The following DAB1 variants were observed in gnomAD, a reference collection of about 807,000 sequenced individuals.
The protein encoded by DAB1 is DAB adaptor protein 1.
In DAB1, 15 loss-of-function variants were observed where a neutral mutation model predicts 64.6. The ratio of observed to expected loss-of-function variants is 0.23; its 90% CI spans 0.16 to 0.36. The LOEUF (loss-of-function observed/expected upper bound fraction) is 0.36. DAB1 is among the 10% of genes least tolerant of loss of function. The pLI is 1.00. For synonymous variants in DAB1, 235 were observed against 251.9 expected, an observed-to-expected ratio of 0.93 and a Z score of 0.64; for missense variants, 596 against 706.7, an observed-to-expected ratio of 0.84 and a Z score of 1.78.
At chr1:58,371,665 A>G (rs1003260290) in intron 3 of DAB1, among the ~76,000 whole-genome samples, 1 of 152,112 alleles carries the variant, frequency 6.6e-6, no homozygotes, top group African/African-American at 2.4e-5. Context: ...GAGGCATAGG[A>G]GGGAAAAATG....
intron 1 of DAB1, among the ~76,000 whole-genome samples, chr1:57,394,462 G>T (rs1682643459): frequency 6.6e-6 from 1 of 152,200 alleles, no homozygotes; most frequent in Admixed American, 6.5e-5. Context: ...TCCTGAACTA[G>T]CTTCAAGTTT....
chr1:57,728,372 T>C (rs1436127092), intron 6 of DAB1, among the ~76,000 whole-genome samples: 1 of 152,000 alleles, frequency 6.6e-6, no homozygotes. Context: ...GGCAGGCAGA[T>C]CATGAGGTCA....
At chr1:58,423,082 C>T (rs182084047) in intron 3 of DAB1, among the ~76,000 whole-genome samples, 26 of 152,252 alleles carry the variant, frequency 1.7e-4, no homozygotes, top group African/African-American at 4.8e-4. Flanking sequence ...TTCCCTGTTC[C>T]GAGGCAAATA....
intron 3 of DAB1, among the ~76,000 whole-genome samples, chr1:58,360,224 C>T (rs555124115): frequency 1.3e-5 from 2 of 152,146 alleles, no homozygotes; most frequent in South Asian, 2.1e-4. Flanking sequence ...TTAATTCCAC[C>T]TGGGCCAAGG....
At chr1:57,948,387 TA>T (rs1211512263) in intron 5 of DAB1, among the ~76,000 whole-genome samples, 1 of 152,234 alleles carries the variant, frequency 6.6e-6, no homozygotes, top group African/African-American at 2.4e-5. Context: ...ATGTCTATAG[TA>T]TCTGTGTGTT....
chr1:58,335,824 T>G (rs1663102549), intron 4 of DAB1, among the ~76,000 whole-genome samples: 1 of 152,122 alleles, frequency 6.6e-6, no homozygotes, highest in Non-Finnish European at 1.5e-5. Flanking sequence ...ATGGTGCAAT[T>G]TAGTAGATAC....
intron 7 of DAB1, among the ~76,000 whole-genome samples, chr1:57,559,558 C>T (rs1217592788): frequency 6.6e-6 from 1 of 152,078 alleles, no homozygotes; most frequent in African/African-American, 2.4e-5. Context: ...TCCAGGGGAC[C>T]CAAAACATCA....
intron 3 of DAB1, among the ~76,000 whole-genome samples, chr1:58,501,720 G>A (rs1339358878): frequency 1.3e-5 from 2 of 152,038 alleles, no homozygotes; most frequent in Non-Finnish European, 2.9e-5. Context: ...TCCCATCTCT[G>A]CTCACACATA....
intron 6 of DAB1, among the ~76,000 whole-genome samples, chr1:57,665,418 T>C (rs1175151867): frequency 6.6e-6 from 1 of 152,124 alleles, no homozygotes; most frequent in Non-Finnish European, 1.5e-5. Context: ...GTACAATATT[T>C]TTATGAAATA....
chr1:57,827,770 G>C (rs1378839984), intron 1 of DAB1, among the ~76,000 whole-genome samples: 3 of 152,120 alleles, frequency 2.0e-5, no homozygotes, highest in African/African-American at 7.2e-5. Context: ...CTGCCTATAG[G>C]TATCACAAAG....
intron 2 of DAB1, among the ~76,000 whole-genome samples, chr1:57,213,800 C>T (rs940497477): frequency 2.6e-5 from 4 of 152,156 alleles, no homozygotes. Flanking sequence ...CTTTCTTTTG[C>T]TTGCTTGTTA....
chr1:57,493,502 T>C (rs546775655), intron 7 of DAB1, among the ~76,000 whole-genome samples: 3 of 152,342 alleles, frequency 2.0e-5, no homozygotes, highest in African/African-American at 7.2e-5. Flanking sequence ...TATTCCATTA[T>C]ATGAATGTAT....
At chr1:57,175,575 T>C in intron 2 of DAB1, among the ~76,000 whole-genome samples, 1 of 152,170 alleles carries the variant, frequency 6.6e-6, no homozygotes, top group East Asian at 1.9e-4. Flanking sequence ...AAATTACAAC[T>C]ATAGGATGTA....
At chr1:57,151,186 T>G (rs971338) in intron 2 of DAB1, among the ~76,000 whole-genome samples, 7,069 of 152,162 alleles carry the variant, frequency 0.046, 553 homozygotes, top group African/African-American at 0.16. Flanking sequence ...GACCACAAGG[T>G]CTATTAATGA....
chr1:57,707,104 C>A (rs992364634), intron 6 of DAB1, among the ~76,000 whole-genome samples: 2 of 151,690 alleles, frequency 1.3e-5, no homozygotes, highest in South Asian at 2.1e-4. Context: ...AAAAAACCCC[C>A]CAAAAAACAG....
At chr1:58,074,040 G>GA (rs1649441402) in intron 5 of DAB1, among the ~76,000 whole-genome samples, 1 of 152,158 alleles carries the variant, frequency 6.6e-6, no homozygotes. Context: ...AACCAACCTT[G>GA]AGTTCTTCTA....
intron 9 of DAB1, among the ~76,000 whole-genome samples, chr1:57,039,109 G>A (rs1242128797): frequency 2.0e-5 from 3 of 152,234 alleles, no homozygotes; most frequent in Admixed American, 2.0e-4. Flanking sequence ...GGAATGAAAA[G>A]TTAGATGTGG....
chr1:57,871,659 G>A (rs1643952282), intron 1 of DAB1, among the ~76,000 whole-genome samples: 1 of 152,124 alleles, frequency 6.6e-6, no homozygotes, highest in South Asian at 2.1e-4. Context: ...TTTGCTCTAG[G>A]TTTGTCAACA....
intron 7 of DAB1, among the ~76,000 whole-genome samples, chr1:57,499,851 C>A (rs1304751647): frequency 6.6e-6 from 1 of 152,136 alleles, no homozygotes; most frequent in Non-Finnish European, 1.5e-5. Flanking sequence ...TGTTCACGTC[C>A]ACCTACTATA....
Sources: allele counts gnomAD v4.1 joint callset (sites outside exome capture counted in the v4.1 genomes callset), GRCh38; gene constraint gnomAD v4.1.1; transcripts MANE v1.5; gene names NCBI Gene and HGNC (gene_info 2026-07-23, HGNC 2026-07-21).